LRRC7: variants seen among roughly 807,000 people sequenced by gnomAD.
LRRC7 encodes leucine rich repeat containing 7.
A neutral mutation model predicts 175.7 loss-of-function variants in LRRC7; 23 were observed. The observed-to-expected ratio is 0.13, with a 90% CI of 0.09 to 0.19. The LOEUF is 0.19. Ranked by LOEUF, LRRC7 falls within the 10% of genes least tolerant of loss-of-function variation. The pLI is 1.00. For synonymous variants in LRRC7, 685 were observed against 680.9 expected, an observed-to-expected ratio of 1.01 and a Z score of -0.09; for missense variants, 1,354 against 1,904.7, an observed-to-expected ratio of 0.71 and a Z score of 5.38.
intron 7 of LRRC7, among the ~76,000 whole-genome samples, chr1:69,858,915 A>C (rs1684035444): frequency 6.6e-6 from 1 of 152,150 alleles, no homozygotes; most frequent in Admixed American, 6.6e-5. Context: ...TAATGATAAA[A>C]GGGTCAATTC....
chr1:69,684,913 T>C (rs1259356649), intron 2 of LRRC7, among the ~76,000 whole-genome samples: 1 of 152,198 alleles, frequency 6.6e-6, no homozygotes, highest in Non-Finnish European at 1.5e-5. Flanking sequence ...ATCCCTGCTC[T>C]GCTCTCCCTG....
intron 7 of LRRC7, among the ~76,000 whole-genome samples, chr1:69,909,238 G>T (rs1646434570): frequency 6.6e-6 from 1 of 152,068 alleles, no homozygotes; most frequent in South Asian, 2.1e-4. Context: ...GCCAGTCTGT[G>T]TCTTTTAATT....
At chr1:69,788,962 G>A (rs1301109924) in intron 3 of LRRC7, among the ~76,000 whole-genome samples, 1 of 152,158 alleles carries the variant, frequency 6.6e-6, no homozygotes, top group Non-Finnish European at 1.5e-5. Flanking sequence ...ACTTAGCATA[G>A]TGTCTAGCTT....
rs112745448 is a variant in LRRC7, at chr1:69,814,495, A to T, written c.422-11253A>T. 9.3e-4 allele frequency among the ~76,000 whole-genome samples: 142 copies of T among 152,294 alleles called. 1 individual carries two copies. The highest frequency in any genetic ancestry group is 3.3e-3 in the African/African-American group (139 of 41,576). Reference sequence around the variant, plus strand: ...ATGATACTCAGTGTTTTACATTCATATCATCAAATACTCAGAATAACCCTC... The same window carrying T: ...ATGATACTCAGTGTTTTACATTCATTTCATCAAATACTCAGAATAACCCTC... On this transcript the variant is annotated intron_variant, in intron 4 of 26. Transcript: ENST00000651989.
chr1:69,623,032 T>C (rs1570001237), intron 1 of LRRC7, among the ~76,000 whole-genome samples: 1 of 152,154 alleles, frequency 6.6e-6, no homozygotes, highest in South Asian at 2.1e-4. Flanking sequence ...AGAGTATCCC[T>C]GTAAATCAGA....
intron 25 of LRRC7, among the ~76,000 whole-genome samples, chr1:70,103,930 C>G (rs1664971630): frequency 6.6e-6 from 1 of 152,168 alleles, no homozygotes; most frequent in Non-Finnish European, 1.5e-5. Flanking sequence ...TTCATTTTGA[C>G]TTACATTAGT....
At chr1:69,680,623 A>G (rs1660355926) in intron 2 of LRRC7, among the ~76,000 whole-genome samples, 1 of 151,746 alleles carries the variant, frequency 6.6e-6, no homozygotes, top group East Asian at 1.9e-4. Context: ...ACAATGAGCA[A>G]TTCTACTTGC....
At chr1:69,969,059 C>T (rs1247382009) in intron 8 of LRRC7, among the ~76,000 whole-genome samples, 2 of 152,140 alleles carry the variant, frequency 1.3e-5, no homozygotes, top group Admixed American at 6.5e-5. Flanking sequence ...ACCTCGTGAT[C>T]TGCCCACCTC....
chr1:69,787,894 C>T (rs945613116), intron 3 of LRRC7, among the ~76,000 whole-genome samples: 1 of 152,066 alleles, frequency 6.6e-6, no homozygotes, highest in Non-Finnish European at 1.5e-5. Flanking sequence ...CACAGCCAGA[C>T]TATATCACTC....
At chr1:69,712,987 G>A (rs890076822) in intron 2 of LRRC7, among the ~76,000 whole-genome samples, 1 of 152,158 alleles carries the variant, frequency 6.6e-6, no homozygotes, top group East Asian at 1.9e-4. Context: ...ATTGAATGGC[G>A]AATCTCCCTG....
At chr1:69,895,715 T>G (rs1645960946) in intron 7 of LRRC7, among the ~76,000 whole-genome samples, 1 of 152,214 alleles carries the variant, frequency 6.6e-6, no homozygotes, top group Non-Finnish European at 1.5e-5. Flanking sequence ...CTGCCTGGAT[T>G]CTTTCACTGA....
intron 2 of LRRC7, among the ~76,000 whole-genome samples, chr1:69,688,809 G>T (rs1228320849): frequency 6.6e-6 from 1 of 152,012 alleles, no homozygotes; most frequent in East Asian, 1.9e-4. Flanking sequence ...TTCAAGAGCT[G>T]GTTTAATATT....
At chr1:69,682,420 G>C (rs1243043724) in intron 2 of LRRC7, among the ~76,000 whole-genome samples, 1 of 152,100 alleles carries the variant, frequency 6.6e-6, no homozygotes, top group African/African-American at 2.4e-5. Flanking sequence ...GGCCATCTTA[G>C]AAGTCAACCT....
intron 7 of LRRC7, among the ~76,000 whole-genome samples, chr1:69,925,554 T>C (rs1014132602): frequency 1.7e-3 from 256 of 152,206 alleles, no homozygotes; most frequent in Non-Finnish European, 3.3e-3. Flanking sequence ...GAGGAATTTC[T>C]CCATTTCTTC....
chr1:69,732,652 T>G (rs1017395296), intron 2 of LRRC7, among the ~76,000 whole-genome samples: 1 of 152,068 alleles, frequency 6.6e-6, no homozygotes, highest in Non-Finnish European at 1.5e-5. Context: ...ACAGAATTCT[T>G]CAATCCTCAA....
intron 4 of LRRC7, among the ~76,000 whole-genome samples, chr1:69,819,240 A>G (rs1222731567): frequency 1.3e-5 from 2 of 151,796 alleles, no homozygotes; most frequent in Non-Finnish European, 2.9e-5. Flanking sequence ...GAATCCCATA[A>G]GTTTTGGTAT....
At chr1:69,980,647 G>GTA (rs1431153168) in intron 9 of LRRC7, among the ~76,000 whole-genome samples, 194 bp downstream of exon 9, 1 of 151,376 alleles carries the variant, frequency 6.6e-6, no homozygotes, top group Non-Finnish European at 1.5e-5. Flanking sequence ...AGTGTTATAG[G>GTA]TATACAAAAC....
intron 2 of LRRC7, among the ~76,000 whole-genome samples, chr1:69,707,464 C>T (rs1664184033): frequency 6.6e-6 from 1 of 152,126 alleles, no homozygotes; most frequent in Non-Finnish European, 1.5e-5. Flanking sequence ...CAATTTCTGG[C>T]TTCCTTTCCT....
At chr1:69,968,610 G>C (rs1651899605) in intron 8 of LRRC7, among the ~76,000 whole-genome samples, 1 of 152,120 alleles carries the variant, frequency 6.6e-6, no homozygotes, top group Admixed American at 6.6e-5. Flanking sequence ...TTTCTCAGCA[G>C]AAACCCTACA....
Sources: gnomAD v4.1 joint callset for allele counts (sites outside exome capture counted in the v4.1 genomes callset) on GRCh38, gnomAD v4.1.1 for gene constraint, MANE v1.5 for transcripts, NCBI Gene and HGNC (gene_info 2026-07-23, HGNC 2026-07-21) for gene names.